KIF1B: variants seen among roughly 807,000 people sequenced by gnomAD.
KIF1B encodes kinesin family member 1B, also known as kinesin-like protein KIF1B.
KIF1B carries 76 observed loss-of-function variants against 241.9 expected under a neutral mutation model. That is an observed-to-expected ratio of 0.31 (90% confidence interval 0.26 to 0.38). The LOEUF is 0.38. KIF1B is among the 10% of genes least tolerant of loss of function. The probability of loss-of-function intolerance (pLI) is 1.00; values close to 1 mark genes in which losing one functional copy is unlikely to be tolerated. For synonymous variants in KIF1B, 750 were observed against 796.7 expected (o/e 0.94, Z 0.99); for missense variants, 1,622 against 2,271.4 (o/e 0.71, Z 5.81).
chr1:10,321,753 C>G lies in KIF1B; in HGVS notation c.2254C>G (p.Arg752Gly), dbSNP rs368066001. ...HEFELAQWAFRKWKSHQFTSL... is the reference protein window; with the variant it reads ...HEFELAQWAFGKWKSHQFTSL... Reference sequence around the variant, plus strand: ...ATTTGAGTTGGCCCAATGGGCCTTCCGGAAATGGAAGTCTCATCAGTTTAC... The same window carrying G: ...ATTTGAGTTGGCCCAATGGGCCTTCGGGAAATGGAAGTCTCATCAGTTTAC... The change falls in exon 24 of 49, where the codon CGG (arginine) becomes GGG (glycine). Residue 752 changes from arginine to glycine, a missense_variant. Arg to Gly is a moderately radical substitution (Grantham distance 125). Around this residue, in one of 7 missense-constraint regions of KIF1B, gnomAD observed 803 missense variants for 1,112.0 expected, o/e 0.72. Transcript: ENST00000676179. The G allele has an allele frequency of 6.2e-7, 1 of 1,614,100 alleles. No individual in the cohort carries two copies. The highest frequency in any genetic ancestry group is 1.1e-5 in the South Asian group (1 of 91,086).
At chr1:10,268,950 A>G (rs1453568216) in intron 7 of KIF1B, among the ~76,000 whole-genome samples, 2 of 152,198 alleles carry the variant, frequency 1.3e-5, no homozygotes, top group Non-Finnish European at 2.9e-5. Context: ...GGTTAAGTGC[A>G]TACAATAATG....
chr1:10,353,630 G>A (rs993284470), intron 38 of KIF1B, among the ~76,000 whole-genome samples: 25 of 152,188 alleles, frequency 1.6e-4, no homozygotes, highest in Non-Finnish European at 2.9e-4. Flanking sequence ...AGGAGGGAGG[G>A]AAGGAATAAG....
At chr1:10,362,667 T>C (rs1485543951) in intron 40 of KIF1B, among the ~76,000 whole-genome samples, 1 of 152,198 alleles carries the variant, frequency 6.6e-6, no homozygotes, top group Non-Finnish European at 1.5e-5. Context: ...TTCCCTCATA[T>C]CGTCTCTCTT....
rs1391750488 is a variant in KIF1B at position 10,324,763 on chromosome 1, G to A, written c.2543G>A (p.Arg848Lys). ...GCTTTGTGTTTACTAAATAGGCAGA[G>A]GCTGGATTTGATGCGAGAGATGTAT... ...HYWSLEKLKQRLDLMREMYDR... is the reference protein window; with the variant it reads ...HYWSLEKLKQKLDLMREMYDR... Residue 848 changes from arginine (R) to lysine (K), a missense_variant, in exon 26 of 49, where the codon AGG (arginine) becomes AAG (lysine). Around this residue, in one of 7 missense-constraint regions of KIF1B, gnomAD observed 803 missense variants for 1,112.0 expected, o/e 0.72. Transcript: ENST00000676179. 1 of 1,613,996 alleles carries A rather than the reference G, an allele frequency of 6.2e-7. No homozygotes were observed. The highest frequency in any genetic ancestry group is 8.5e-7 in the Non-Finnish European group (1 of 1,180,010).
intron 27 of KIF1B, among the ~76,000 whole-genome samples, chr1:10,330,107 C>A (rs1016126278): frequency 2.6e-5 from 4 of 152,156 alleles, no homozygotes; most frequent in South Asian, 2.1e-4. Flanking sequence ...TTTCCATATT[C>A]CCCTCTCTCA....
rs563950333 is a variant in KIF1B at position 10,358,132 on chromosome 1, T to C, written c.4056-2797T>C. Among the ~76,000 whole-genome samples the C allele has an allele frequency of 9.2e-5, 14 of 151,882 alleles. No homozygotes were observed. The East Asian group carries it at 2.7e-3, about 29-fold the overall frequency. On this transcript the variant is annotated intron_variant, in intron 38 of 48. Transcript: ENST00000676179. ...AAAAAAAAAAAAGAAAGAAACTTTT[T>C]TTGACAAAAGAAAAAAATGAAAGAA...
chr1:10,307,874 A>C (rs1650905400), intron 22 of KIF1B: 1 of 1,048,000 alleles, frequency 9.5e-7, no homozygotes, highest in Non-Finnish European at 1.2e-6. Context: ...AGTAAGTGTA[A>C]ACCAAAGGGC....
At chr1:10,315,271 G>A (rs1401560187) in intron 22 of KIF1B, among the ~76,000 whole-genome samples, 1 of 146,530 alleles carries the variant, frequency 6.8e-6, no homozygotes, top group Non-Finnish European at 1.5e-5. Flanking sequence ...TACACCTCCC[G>A]GGTTGAAGTG....
chr1:10,325,038 A>G, intron 26 of KIF1B, 143 bp downstream of exon 26: 1 of 877,858 alleles, frequency 1.1e-6, no homozygotes, highest in Non-Finnish European at 1.8e-6. Context: ...ACTCACAACC[A>G]CTGCGTCATT....
intron 38 of KIF1B, among the ~76,000 whole-genome samples, chr1:10,353,359 A>C (rs1278712976): frequency 6.6e-6 from 1 of 152,206 alleles, no homozygotes; most frequent in Non-Finnish European, 1.5e-5. Flanking sequence ...ATCTTTTATA[A>C]TCAGGTGATA....
At chr1:10,271,426 G>A (rs951511663) in intron 7 of KIF1B, 76 bp from the exon 8 acceptor site, 4 of 1,043,842 alleles carry the variant, frequency 3.8e-6, no homozygotes, top group East Asian at 2.4e-5. Context: ...CTTTTAAAAA[G>A]CATTCTGCCT....
At chr1:10,360,504 G>T (rs1466439037) in intron 38 of KIF1B, among the ~76,000 whole-genome samples, 1 of 151,988 alleles carries the variant, frequency 6.6e-6, no homozygotes, top group Non-Finnish European at 1.5e-5. Flanking sequence ...GACCAACATG[G>T]TGAAACCCTG....
In KIF1B at chr1:10,303,724, T is replaced by G. The variant is rs751882971; in HGVS notation, c.2115+6478T>G. ...CATGAAAGACGAGGAGATAAAAGTC[T>G]TAAGAAATAAAATGCTCAAAATGGA... On this transcript the variant is annotated intron_variant, in intron 22 of 48. Coordinates refer to ENST00000676179, the MANE Select transcript of KIF1B (RefSeq NM_001365951.3). The surrounding 1 kb of genome is among the most constrained non-coding windows in gnomAD (Gnocchi z 5.2). The G allele has an allele frequency of 4.3e-6, 7 of 1,614,166 alleles. No individual in the cohort carries two copies. The highest frequency in any genetic ancestry group is 5.9e-6 in the Non-Finnish European group (7 of 1,180,022).
intron 23 of KIF1B, 135 bp from the exon 24 acceptor site, chr1:10,321,574 A>G: frequency 1.1e-6 from 1 of 903,030 alleles, no homozygotes. Context: ...AGCTTTACTA[A>G]AAAGAAACAA....
In KIF1B at chr1:10,342,187, A is replaced by G; in HGVS notation, c.3632+19A>G. The G allele has an allele frequency of 7.1e-7, 1 of 1,416,796 alleles. No homozygotes were observed. The highest frequency in any genetic ancestry group is 1.0e-6 in the Non-Finnish European group (1 of 999,946). The allele number at this position is 1,416,796 out of a possible 1,614,324, so 87.8% of individuals were successfully genotyped here. A position where few individuals can be genotyped will look rare whatever the true frequency, so the allele number is the denominator to read the frequency against. On this transcript the variant is annotated intron_variant, in intron 33 of 48. Transcript: ENST00000676179. Reference sequence around the variant, plus strand: ...TTAACAGGTTTGGACCAGATAAGCAAACATTTTTGATGGTATTGTTTTGAT... The same window carrying G: ...TTAACAGGTTTGGACCAGATAAGCAGACATTTTTGATGGTATTGTTTTGAT...
intron 2 of KIF1B, among the ~76,000 whole-genome samples, chr1:10,235,276 G>T (rs1484562609): frequency 6.6e-6 from 1 of 152,090 alleles, no homozygotes; most frequent in East Asian, 1.9e-4. Context: ...TTTTGAAACA[G>T]GATCTCACTC....
chr1:10,321,405 G>A (rs1258113505), intron 23 of KIF1B, among the ~76,000 whole-genome samples: 1 of 151,924 alleles, frequency 6.6e-6, no homozygotes, highest in Non-Finnish European at 1.5e-5. Flanking sequence ...TGCCTAGCCA[G>A]GAGTATTTTT....
chr1:10,293,366 T>A (rs1225404270), intron 17 of KIF1B, among the ~76,000 whole-genome samples: 1 of 151,550 alleles, frequency 6.6e-6, no homozygotes, highest in Non-Finnish European at 1.5e-5. Flanking sequence ...TTTTATAACA[T>A]CTTACAGTAT....
rs995729981 is a variant in KIF1B at position 10,378,564 on chromosome 1, G to C, written c.*1977G>C. ...GAAAGTATCTGCTCACTCCCACTTGGTGAGTCCTCGGCCTTGAGGTTGCTG... is the reference window on the plus strand; with the variant it reads ...GAAAGTATCTGCTCACTCCCACTTGCTGAGTCCTCGGCCTTGAGGTTGCTG... On this transcript the variant is annotated 3_prime_UTR_variant, in exon 49 of 49. Coordinates refer to ENST00000676179, the MANE Select transcript of KIF1B (RefSeq NM_001365951.3). 41 of 646,760 alleles carry C rather than the reference G, an allele frequency of 6.3e-5. No individual in the cohort carries two copies. The East Asian group carries it at 7.9e-4, about 12-fold the overall frequency. The allele number at this position is 646,760 out of a possible 1,614,324, so 40.1% of individuals were successfully genotyped here.
Sources: gnomAD v4.1 joint callset for allele counts (sites outside exome capture counted in the v4.1 genomes callset) on GRCh38, gnomAD v4.1.1 for gene constraint, gnomAD v4.1.1 regional missense constraint, Gnocchi (gnomAD v3.1) non-coding constraint, MANE v1.5 for transcripts, NCBI Gene and HGNC (gene_info 2026-07-23, HGNC 2026-07-21) for gene names.